TUBGCP4: variants seen among roughly 807,000 people sequenced by gnomAD.
TUBGCP4 encodes the protein gamma-tubulin complex component 4.
Under a neutral mutation model 91.6 loss-of-function variants are expected in TUBGCP4, and 54 were observed. The observed-to-expected ratio is 0.59, with a 90% CI of 0.47 to 0.74. The LOEUF (loss-of-function observed/expected upper bound fraction) is 0.74, where lower values mean the gene tolerates loss of function less well. Among genes scored for constraint, TUBGCP4 ranks in the 30% least tolerant of loss-of-function variants. The pLI is 0.00. For missense variants in TUBGCP4, 593 were observed against 800.9 expected (o/e 0.74, Z 3.13); for synonymous variants, 297 against 302.8 (o/e 0.98, Z 0.20).
intron 7 of TUBGCP4, 56 bp from the exon 8 acceptor site, chr15:43,385,735 T>G (rs1410253742): frequency 1.3e-6 from 2 of 1,583,880 alleles, no homozygotes; most frequent in East Asian, 2.2e-5. Flanking sequence ...GGTATTTTCT[T>G]GTTTTCCTTT....
At chr15:43,375,258 G>A (rs1255267441) in intron 1 of TUBGCP4, among the ~76,000 whole-genome samples, 1 of 152,244 alleles carries the variant, frequency 6.6e-6, no homozygotes, top group Non-Finnish European at 1.5e-5. Context: ...AGGCAGTAGA[G>A]TGGTGTTTGG....
In TUBGCP4 at chr15:43,407,917, GAC is replaced by G; in HGVS notation, c.*2706_*2707del. ...GGTCTAAGGAGATCCCTGGAACAAAGACACTACACACACTCTTTCAGGTACCT... is the reference window on the plus strand; with the variant it reads ...GGTCTAAGGAGATCCCTGGAACAAAGACTACACACACTCTTTCAGGTACCT... On this transcript the variant is annotated 3_prime_UTR_variant, in exon 18 of 18. Coordinates refer to ENST00000564079, the MANE Select transcript of TUBGCP4 (RefSeq NM_014444.5). The G allele has an allele frequency of 1.2e-6, 2 of 1,600,760 alleles. No homozygotes were observed. Among genetic ancestry groups the G allele is most frequent in the Non-Finnish European group, 1.7e-6 (2 of 1,176,388 alleles).
At chr15:43,379,051 G>A (rs544207426) in intron 5 of TUBGCP4, among the ~76,000 whole-genome samples, 1 of 152,324 alleles carries the variant, frequency 6.6e-6, no homozygotes, top group South Asian at 2.1e-4. Flanking sequence ...GAAGGAGAGT[G>A]GAAAATAGGG....
chr15:43,381,453 T>C (rs147821414), intron 6 of TUBGCP4, among the ~76,000 whole-genome samples: 1 of 152,282 alleles, frequency 6.6e-6, no homozygotes, highest in Admixed American at 6.5e-5. Context: ...AAAACACTTG[T>C]AGGCTGGGCT....
Position 43,376,510 on chromosome 15 carries a change from A to AT in TUBGCP4, c.216dup (p.Pro73SerfsTer34), listed in dbSNP as rs762571376. 1.2e-6 allele frequency: 2 copies of AT among 1,614,210 alleles called. No homozygotes were observed. Among genetic ancestry groups the AT allele is most frequent in the Admixed American group, 3.3e-5 (2 of 60,018 alleles). ...CTGTTTGTTTGATTTCAGGATCACC[A>AT]TCCATCTCAACAGGGCCAAGGTGGG... On this transcript the variant is annotated frameshift_variant, in exon 3 of 18. Coordinates refer to ENST00000564079, the MANE Select transcript of TUBGCP4 (RefSeq NM_014444.5). LOFTEE classifies it high-confidence loss of function.
In TUBGCP4 at chr15:43,380,170, C is replaced by T. The variant is rs1566891399; in HGVS notation, c.521+7C>T. On this transcript the variant is annotated splice_region_variant and intron_variant, in intron 6 of 17. Transcript: ENST00000564079. The stretch of plus-strand genomic sequence containing the variant: ...TTCGAAGTGCACTGGAAAAGTAAGT[C>T]ATGGCTTAACTGGGAATTGGTGGTG... 6.2e-7 allele frequency: 1 copy of T among 1,612,570 alleles called. No individual in the cohort carries two copies. The highest frequency in any genetic ancestry group is 8.5e-7 in the Non-Finnish European group (1 of 1,178,714).
At chr15:43,380,011 A>C in intron 5 of TUBGCP4, 73 bp from the exon 6 acceptor site, 1 of 1,444,272 alleles carries the variant, frequency 6.9e-7, no homozygotes, top group Non-Finnish European at 9.7e-7. Context: ...TCTTGGTTGA[A>C]TATGGAATAA....
chr15:43,392,481 T>G (rs1277804324), intron 9 of TUBGCP4, among the ~76,000 whole-genome samples: 1 of 151,972 alleles, frequency 6.6e-6, no homozygotes, highest in Non-Finnish European at 1.5e-5. Context: ...CAGGTCTGGT[T>G]TTTGTTTGTT....
intron 2 of TUBGCP4, 43 bp from the exon 3 acceptor site, chr15:43,376,460 A>G: frequency 6.2e-7 from 1 of 1,614,132 alleles, no homozygotes. Context: ...CTCAGGTTTC[A>G]GGGCCTGAGC....
chr15:43,377,674 T>C (rs2044229160), intron 4 of TUBGCP4, 173 bp from the exon 5 acceptor site: 1 of 563,058 alleles, frequency 1.8e-6, no homozygotes, highest in Non-Finnish European at 3.1e-6. Context: ...ATCCTCTTCC[T>C]ATCTGCAGCG....
intron 11 of TUBGCP4, among the ~76,000 whole-genome samples, chr15:43,396,779 C>T (rs985332036): frequency 6.6e-6 from 1 of 152,074 alleles, no homozygotes; most frequent in Non-Finnish European, 1.5e-5. Context: ...AGTCTCTAGC[C>T]AAGTTTACAT....
At chr15:43,385,554 G>A in intron 7 of TUBGCP4, 1 of 528,812 alleles carries the variant, frequency 1.9e-6, no homozygotes, top group Non-Finnish European at 3.4e-6. Flanking sequence ...AGTAGTAAAG[G>A]CAGAGTGAGG....
At chr15:43,377,156 T>C in intron 4 of TUBGCP4, 89 bp downstream of exon 4, 1 of 1,102,966 alleles carries the variant, frequency 9.1e-7, no homozygotes, top group Non-Finnish European at 1.4e-6. Context: ...GAACTTTTTT[T>C]CTTCTGGATT....
chr15:43,393,016 A>G (rs1397528963), intron 9 of TUBGCP4, among the ~76,000 whole-genome samples: 2 of 152,180 alleles, frequency 1.3e-5, no homozygotes. Flanking sequence ...AGAGTTGATA[A>G]AAATGAAATC....
At chr15:43,386,805 C>T (rs904670161) in intron 9 of TUBGCP4, among the ~76,000 whole-genome samples, 2 of 150,532 alleles carry the variant, frequency 1.3e-5, no homozygotes, top group African/African-American at 2.4e-5. Context: ...AGTTAAGAAC[C>T]GAGCTTGGAA....
Position 43,408,850 on chromosome 15 carries a change from T to TGCTGTCC in TUBGCP4, c.*3637_*3643dup, listed in dbSNP as rs1413272030. 6.3e-7 allele frequency: 1 copy of TGCTGTCC among 1,581,758 alleles called. No individual in the cohort carries two copies. The highest frequency in any genetic ancestry group is 1.7e-5 in the Admixed American group (1 of 59,872). ...CCTAGATTCTCTTCCCTCCAAAGCT[T>TGCTGTCC]GCTGTCCTCCTGCCTATACAATTCT... On this transcript the variant is annotated 3_prime_UTR_variant, in exon 18 of 18. Coordinates refer to ENST00000564079, the MANE Select transcript of TUBGCP4 (RefSeq NM_014444.5).
chr15:43,396,355 G>C (rs968077749), intron 11 of TUBGCP4, among the ~76,000 whole-genome samples: 1 of 152,166 alleles, frequency 6.6e-6, no homozygotes, highest in African/African-American at 2.4e-5. Flanking sequence ...CAGACACTAG[G>C]CTATGCCTAG....
At chr15:43,392,299 CA>C (rs2044487728) in intron 9 of TUBGCP4, among the ~76,000 whole-genome samples, 1 of 151,690 alleles carries the variant, frequency 6.6e-6, no homozygotes, top group African/African-American at 2.4e-5. Context: ...CTGTGTCTCA[CA>C]AGTTTTTGGC....
chr15:43,405,171 C>T, intron 17 of TUBGCP4, 31 bp from the exon 18 acceptor site: 1 of 1,613,772 alleles, frequency 6.2e-7, no homozygotes, highest in East Asian at 2.2e-5. Context: ...GAAAGCATGA[C>T]ACTTAATAAG....
Sources: gnomAD v4.1 joint callset for allele counts (sites outside exome capture counted in the v4.1 genomes callset) on GRCh38, gnomAD v4.1.1 for gene constraint, MANE v1.5 for transcripts, NCBI Gene and HGNC (gene_info 2026-07-23, HGNC 2026-07-21) for gene names.